MTUS2: variants seen among roughly 807,000 people sequenced by gnomAD.
MTUS2 encodes the protein microtubule-associated tumor suppressor candidate 2.
In MTUS2, 40 loss-of-function variants were observed where a neutral mutation model predicts 114.1. The ratio of observed to expected loss-of-function variants is 0.35; its 90% CI spans 0.27 to 0.46. The LOEUF (loss-of-function observed/expected upper bound fraction) is 0.46. Ranked by LOEUF, MTUS2 falls within the 20% of genes least tolerant of loss-of-function variation. The pLI is 1.00. For synonymous variants in MTUS2, 688 were observed against 672.0 expected (o/e 1.02, Z -0.37); for missense variants, 1,679 against 1,705.4 (o/e 0.98, Z 0.27).
intron 5 of MTUS2, among the ~76,000 whole-genome samples, chr13:29,276,312 G>A (rs17073153): frequency 0.024 from 3,678 of 152,252 alleles, 141 homozygotes; most frequent in African/African-American, 0.085. Flanking sequence ...TAATCATGCG[G>A]AATATATAAC....
At chr13:29,082,225 C>G (rs1173848653) in intron 4 of MTUS2, among the ~76,000 whole-genome samples, 1 of 152,200 alleles carries the variant, frequency 6.6e-6, no homozygotes, top group Non-Finnish European at 1.5e-5. Flanking sequence ...CCTGACCATG[C>G]TGGCACCCTG....
intron 2 of MTUS2, among the ~76,000 whole-genome samples, chr13:28,977,587 C>A (rs1355874130): frequency 6.6e-6 from 1 of 152,188 alleles, no homozygotes; most frequent in Non-Finnish European, 1.5e-5. Flanking sequence ...TTGTAACACA[C>A]ATTTATAGGC....
chr13:29,379,359 C>T (rs1872019421), intron 8 of MTUS2, among the ~76,000 whole-genome samples: 1 of 152,178 alleles, frequency 6.6e-6, no homozygotes, highest in Non-Finnish European at 1.5e-5. Context: ...GTACCATCCT[C>T]ATGCCTGGAG....
chr13:29,302,354 G>T (rs2139610665), intron 6 of MTUS2, among the ~76,000 whole-genome samples: 1 of 152,290 alleles, frequency 6.6e-6, no homozygotes, highest in African/African-American at 2.4e-5. Context: ...GCAACCCAAA[G>T]ATCAGGAGAT....
At chr13:29,398,406 A>G (rs548798486) in intron 8 of MTUS2, among the ~76,000 whole-genome samples, 3 of 151,604 alleles carry the variant, frequency 2.0e-5, no homozygotes, top group African/African-American at 7.3e-5. Context: ...AGGTTGCAGT[A>G]AGCAGAGATC....
intron 5 of MTUS2, among the ~76,000 whole-genome samples, chr13:29,148,592 C>G (rs1281303652): frequency 1.8e-5 from 2 of 113,074 alleles, no homozygotes; most frequent in African/African-American, 5.3e-5. Context: ...CATTCTCCTG[C>G]CTCAGCCTCC....
intron 2 of MTUS2, among the ~76,000 whole-genome samples, chr13:29,001,355 A>C (rs745717396): frequency 6.6e-6 from 1 of 152,116 alleles, no homozygotes; most frequent in East Asian, 1.9e-4. Context: ...GGTGGTGGCT[A>C]TGGAGGTTGG....
chr13:29,429,762 T>C (rs1391966083), intron 8 of MTUS2, among the ~76,000 whole-genome samples: 1 of 152,222 alleles, frequency 6.6e-6, no homozygotes, highest in Admixed American at 6.5e-5. Context: ...GCCTTCTTCC[T>C]ACTCATGTGG....
At chr13:29,231,862 C>T (rs1200743046) in intron 5 of MTUS2, among the ~76,000 whole-genome samples, 3 of 152,156 alleles carry the variant, frequency 2.0e-5, no homozygotes, top group Non-Finnish European at 2.9e-5. Flanking sequence ...GCATGTTAAA[C>T]ACCTAACATA....
intron 8 of MTUS2, among the ~76,000 whole-genome samples, chr13:29,403,359 T>G (rs1228818506): frequency 2.0e-5 from 3 of 152,158 alleles, no homozygotes; most frequent in African/African-American, 7.2e-5. Flanking sequence ...TCTGCACTAT[T>G]CTTTGTATTT....
At chr13:29,268,261 A>G (rs1461801168) in intron 5 of MTUS2, among the ~76,000 whole-genome samples, 1 of 152,180 alleles carries the variant, frequency 6.6e-6, no homozygotes, top group African/African-American at 2.4e-5. Context: ...TGTGAAATAG[A>G]AAAGAGAATG....
At position 29,503,349 on chromosome 13, in the gene MTUS2, C is replaced by CCCCGT; in HGVS notation, c.*144_*148dup. ...CATCCTAGGCGCGTCCTCCTCTGAT[C>CCCCGT]CCCGTGTAAGACTGCCCTGGTGTCG... On this transcript the variant is annotated 3_prime_UTR_variant, in exon 16 of 16. Transcript: ENST00000612955. 1.1e-6 allele frequency: 1 copy of CCCCGT among 883,704 alleles called. No homozygotes were observed. Among genetic ancestry groups the CCCCGT allele is most frequent in the Non-Finnish European group, 1.7e-6 (1 of 575,896 alleles). 54.7% of individuals were successfully genotyped at this position (883,704 alleles called of 1,614,324 possible).
At chr13:28,943,929 A>G (rs904889500) in intron 2 of MTUS2, among the ~76,000 whole-genome samples, 1 of 152,096 alleles carries the variant, frequency 6.6e-6, no homozygotes, top group Non-Finnish European at 1.5e-5. Flanking sequence ...AAAAAAATCA[A>G]TTTACTTAAC....
At chr13:28,861,833 G>T (rs1375814894) in intron 2 of MTUS2, among the ~76,000 whole-genome samples, 1 of 152,128 alleles carries the variant, frequency 6.6e-6, no homozygotes, top group Non-Finnish European at 1.5e-5. Flanking sequence ...ACCCTGTGGA[G>T]TGTTTGAGTG....
chr13:28,999,506 C>G (rs3926785), intron 2 of MTUS2, among the ~76,000 whole-genome samples: 68,464 of 152,060 alleles, frequency 0.45, 16,081 homozygotes, highest in East Asian at 0.68. Context: ...TTGTAATTGA[C>G]AAATAATATA....
At chr13:28,999,297 C>A (rs552263438) in intron 2 of MTUS2, among the ~76,000 whole-genome samples, 2 of 152,262 alleles carry the variant, frequency 1.3e-5, no homozygotes, top group South Asian at 4.1e-4. Flanking sequence ...TCAGTCCGCC[C>A]CTACTGGGGG....
chr13:29,306,602 A>C (rs998723721), intron 6 of MTUS2, among the ~76,000 whole-genome samples: 17 of 152,240 alleles, frequency 1.1e-4, no homozygotes, highest in African/African-American at 3.9e-4. Flanking sequence ...GACCTCTTCA[A>C]GGAAAACTAC....
chr13:29,420,089 T>C (rs1350399761), intron 8 of MTUS2, among the ~76,000 whole-genome samples: 14 of 152,136 alleles, frequency 9.2e-5, no homozygotes, highest in Non-Finnish European at 1.9e-4. Context: ...ATATAGTAGA[T>C]AGTTTTATCT....
At chr13:29,402,884 A>G (rs1874451806) in intron 8 of MTUS2, among the ~76,000 whole-genome samples, 1 of 152,088 alleles carries the variant, frequency 6.6e-6, no homozygotes, top group African/African-American at 2.4e-5. Context: ...TTACAGGCAC[A>G]TGCCACCACG....
Sources: gnomAD v4.1 joint callset for allele counts (sites outside exome capture counted in the v4.1 genomes callset) on GRCh38, gnomAD v4.1.1 for gene constraint, MANE v1.5 for transcripts, NCBI Gene and HGNC (gene_info 2026-07-23, HGNC 2026-07-21) for gene names.